Variants in NALF1 observed in about 807,000 individuals in gnomAD.
The protein encoded by NALF1 is family with sequence similarity 155 member A.
In NALF1, 3 loss-of-function variants were observed where a neutral mutation model predicts 48.4. The observed-to-expected ratio is 0.06, with a 90% CI of 0.03 to 0.16. The LOEUF (loss-of-function observed/expected upper bound fraction) is 0.16, where lower values mean the gene tolerates loss of function less well. Among genes scored for constraint, NALF1 ranks in the 10% least tolerant of loss-of-function variants. The pLI is 1.00. For synonymous variants in NALF1, 262 were observed against 245.7 expected (o/e 1.07, Z -0.62); for missense variants, 526 against 571.5 (o/e 0.92, Z 0.81).
chr13:107,317,168 C>A (rs1426817938), intron 1 of NALF1, among the ~76,000 whole-genome samples: 2 of 151,970 alleles, frequency 1.3e-5, no homozygotes, highest in African/African-American at 4.8e-5. Context: ...TCATCTGTGA[C>A]AAAACGTAGC....
chr13:107,331,404 A>G (rs942062251), intron 1 of NALF1, among the ~76,000 whole-genome samples: 3 of 152,196 alleles, frequency 2.0e-5, no homozygotes, highest in Admixed American at 2.0e-4. Flanking sequence ...TTATGATCCT[A>G]TACTTTCCTC....
intron 1 of NALF1, among the ~76,000 whole-genome samples, chr13:107,745,308 G>T (rs956252827): frequency 1.3e-4 from 20 of 152,116 alleles, no homozygotes; most frequent in African/African-American, 4.8e-4. Context: ...ACCAAGAAGG[G>T]GGACTGGTCT....
chr13:107,804,682 G>A (rs1055907639), intron 1 of NALF1, among the ~76,000 whole-genome samples: 2 of 152,142 alleles, frequency 1.3e-5, no homozygotes, highest in African/African-American at 2.4e-5. Context: ...CTCAGTATGA[G>A]GGCACTCGGA....
At chr13:107,774,370 A>G (rs1877663984) in intron 1 of NALF1, among the ~76,000 whole-genome samples, 1 of 152,236 alleles carries the variant, frequency 6.6e-6, no homozygotes, top group Non-Finnish European at 1.5e-5. Flanking sequence ...ACTGGATTCC[A>G]AAATCAATTT....
Position 107,537,190 on chromosome 13 carries a change from T to G in NALF1, c.916-326435A>C, listed in dbSNP as rs189757867. Among the ~76,000 whole-genome samples the G allele has an allele frequency of 2.9e-3, 441 of 152,126 alleles. 2 individuals are homozygous for G. Among genetic ancestry groups the G allele is most frequent in the African/African-American group, 9.9e-3 (413 of 41,528 alleles). On this transcript the variant is annotated intron_variant, in intron 1 of 2. Transcript: ENST00000375915. ...CACATGTATACATATGTAACAAACC[T>G]GCACATTGTGCACATGTACCCTAGA...
intron 1 of NALF1, among the ~76,000 whole-genome samples, chr13:107,248,333 G>T (rs1256634912): frequency 1.3e-5 from 2 of 151,870 alleles, no homozygotes; most frequent in Non-Finnish European, 2.9e-5. Flanking sequence ...AAAATTCCAG[G>T]CATAGAATTC....
chr13:107,483,878 A>G (rs1375346584), intron 1 of NALF1, among the ~76,000 whole-genome samples: 3 of 152,036 alleles, frequency 2.0e-5, no homozygotes, highest in Non-Finnish European at 4.4e-5. Flanking sequence ...TAGTTAAAAA[A>G]GCTTTAGAGA....
At chr13:107,864,203 A>T (rs1023615118) in intron 1 of NALF1, among the ~76,000 whole-genome samples, 4 of 152,236 alleles carry the variant, frequency 2.6e-5, no homozygotes, top group Non-Finnish European at 5.9e-5. Flanking sequence ...TAGATAAAAA[A>T]GTTTAAGATA....
At chr13:107,389,654 C>T (rs1259553579) in intron 1 of NALF1, among the ~76,000 whole-genome samples, 2 of 152,104 alleles carry the variant, frequency 1.3e-5, no homozygotes, top group Middle Eastern at 3.2e-3. Context: ...CTATTGATTA[C>T]TTCATGGTTT....
intron 1 of NALF1, among the ~76,000 whole-genome samples, chr13:107,411,506 G>A (rs1883991404): frequency 1.3e-5 from 2 of 151,926 alleles, no homozygotes. Context: ...TGAAATCATG[G>A]GTTTATTCCT....
intron 1 of NALF1, among the ~76,000 whole-genome samples, chr13:107,236,805 T>C (rs1379995295): frequency 6.6e-6 from 1 of 152,028 alleles, no homozygotes; most frequent in African/African-American, 2.4e-5. Flanking sequence ...AAATAAAAAA[T>C]ATTTGGAAAA....
At chr13:107,803,955 G>C (rs1404071529) in intron 1 of NALF1, among the ~76,000 whole-genome samples, 1 of 152,114 alleles carries the variant, frequency 6.6e-6, no homozygotes, top group Non-Finnish European at 1.5e-5. Context: ...TCAGTGAATT[G>C]CCTAAGACAG....
At chr13:107,736,525 T>C (rs1876474288) in intron 1 of NALF1, among the ~76,000 whole-genome samples, 1 of 152,188 alleles carries the variant, frequency 6.6e-6, no homozygotes, top group Admixed American at 6.5e-5. Flanking sequence ...TGAATCTCTA[T>C]GAAACCTACA....
rs752196126 is a variant in NALF1 at position 107,754,394 on chromosome 13, CACA to C, written c.915+111285_915+111287del. ...ACACACACACACACACACACACACACACACCATATATGGAACCGCTGAACAATC... is the reference window on the plus strand; with the variant it reads ...ACACACACACACACACACACACACACCCATATATGGAACCGCTGAACAATC... On this transcript the variant is annotated intron_variant, in intron 1 of 2. Transcript: ENST00000375915. 0.037 allele frequency among the ~76,000 whole-genome samples: 5,140 copies of C among 139,156 alleles called. 360 individuals are homozygous for C. In the East Asian group the frequency reaches 0.39, roughly 11 times the overall value. 91.3% of individuals were successfully genotyped at this position (139,156 alleles called of 152,430 possible). A position where few individuals can be genotyped will look rare whatever the true frequency, so the allele number is the denominator to read the frequency against.
At chr13:107,830,619 T>C (rs1004647430) in intron 1 of NALF1, among the ~76,000 whole-genome samples, 2 of 152,232 alleles carry the variant, frequency 1.3e-5, no homozygotes, top group African/African-American at 2.4e-5. Flanking sequence ...GGCCATGTTT[T>C]AATCAATTTC....
At chr13:107,417,304 G>T (rs994649592) in intron 1 of NALF1, among the ~76,000 whole-genome samples, 5 of 152,148 alleles carry the variant, frequency 3.3e-5, no homozygotes, top group African/African-American at 1.2e-4. Flanking sequence ...CTCAGAGTGA[G>T]TTCTTGTTCT....
At chr13:107,402,234 G>A (rs749895444) in intron 1 of NALF1, among the ~76,000 whole-genome samples, 3 of 151,062 alleles carry the variant, frequency 2.0e-5, no homozygotes, top group South Asian at 2.1e-4. Context: ...GAAGAGGTCC[G>A]CATATTCAGG....
chr13:107,261,369 C>A (rs951921086), intron 1 of NALF1, among the ~76,000 whole-genome samples: 1 of 152,158 alleles, frequency 6.6e-6, no homozygotes, highest in Non-Finnish European at 1.5e-5. Flanking sequence ...TCACATGTGA[C>A]CTCAGTTCCC....
intron 1 of NALF1, among the ~76,000 whole-genome samples, chr13:107,226,302 A>T (rs1880106924): frequency 2.0e-5 from 3 of 152,218 alleles, no homozygotes; most frequent in Admixed American, 2.0e-4. Context: ...AGAATTTAAG[A>T]TACTCACTAT....
Sources: allele counts gnomAD v4.1 joint callset (sites outside exome capture counted in the v4.1 genomes callset), GRCh38; gene constraint gnomAD v4.1.1; transcripts MANE v1.5; gene names NCBI Gene and HGNC (gene_info 2026-07-23, HGNC 2026-07-21).